Variants in PHLPP1 observed in about 807,000 individuals in gnomAD.
The protein encoded by PHLPP1 is PH domain and leucine rich repeat protein phosphatase 1, also known as PH domain leucine-rich repeat-containing protein phosphatase 1.
In PHLPP1, 42 loss-of-function variants were observed where a neutral mutation model predicts 117.2. The ratio of observed to expected loss-of-function variants is 0.36; its 90% confidence interval spans 0.28 to 0.46. PHLPP1 has a LOEUF of 0.46. Among genes scored for constraint, PHLPP1 ranks in the 20% least tolerant of loss-of-function variants. The pLI is 1.00. For synonymous variants in PHLPP1, 1,042 were observed against 970.7 expected, an observed-to-expected ratio of 1.07 and a Z score of -1.37; for missense variants, 2,084 against 2,241.9, an observed-to-expected ratio of 0.93 and a Z score of 1.42.
intron 10 of PHLPP1, among the ~76,000 whole-genome samples, chr18:62,940,349 C>CTT (rs1568168241): frequency 4.2e-5 from 3 of 72,058 alleles, no homozygotes; most frequent in South Asian, 4.3e-4. Context: ...CTTTTTCTTT[C>CTT]TTTTCTTTTT....
chr18:62,875,866 G>A (rs555405233), intron 4 of PHLPP1, among the ~76,000 whole-genome samples: 2 of 152,070 alleles, frequency 1.3e-5, no homozygotes, highest in East Asian at 3.9e-4. Flanking sequence ...CTGAGTAGCT[G>A]GGATTACAGG....
At chr18:62,864,009 GTTTA>G (rs3085144) in intron 4 of PHLPP1, among the ~76,000 whole-genome samples, 2 of 150,744 alleles carry the variant, frequency 1.3e-5, no homozygotes, top group South Asian at 2.1e-4. Context: ...AAATTTATTT[GTTTA>G]TTTATTTTAA....
Position 62,920,062 on chromosome 18 carries a change from C to T in PHLPP1, c.2908C>T (p.Gln970Ter), listed in dbSNP as rs2045831143. 1 of 1,613,284 alleles carries T rather than the reference C, an allele frequency of 6.2e-7. No individual in the cohort carries two copies. The highest frequency in any genetic ancestry group is 1.3e-5 in the African/African-American group (1 of 74,904). Residue 970 changes from glutamine to a stop codon, truncating the protein, a stop_gained, in exon 10 of 17, where the codon CAA becomes TAA. Transcript: ENST00000262719. LOFTEE classifies it high-confidence loss of function. ...ERTSVEVLDV[Q>*]HNQLLELPPN... Reference sequence around the variant, plus strand: ...AACCTCGGTGGAGGTCTTGGATGTGCAACACAACCAGCTCCTTGAGCTCCC... The same window carrying T: ...AACCTCGGTGGAGGTCTTGGATGTGTAACACAACCAGCTCCTTGAGCTCCC...
chr18:62,856,778 C>T (rs1010259488), intron 3 of PHLPP1, among the ~76,000 whole-genome samples: 5 of 152,154 alleles, frequency 3.3e-5, no homozygotes, highest in African/African-American at 1.2e-4. Context: ...ACTTCCTCTG[C>T]CTGGCAGCAT....
At chr18:62,725,129 C>T (rs1412947645) in intron 1 of PHLPP1, among the ~76,000 whole-genome samples, 9 of 151,930 alleles carry the variant, frequency 5.9e-5, no homozygotes, top group East Asian at 1.9e-4. Flanking sequence ...GAGGCTGAGT[C>T]GGGCAGATCA....
chr18:62,761,155 G>C (rs1178877991), intron 1 of PHLPP1, among the ~76,000 whole-genome samples: 1 of 152,086 alleles, frequency 6.6e-6, no homozygotes, highest in Non-Finnish European at 1.5e-5. Flanking sequence ...ATGAGCCACT[G>C]TGCCTGGACT....
chr18:62,735,040 CT>C (rs34602238), intron 1 of PHLPP1, among the ~76,000 whole-genome samples: 5,631 of 143,060 alleles, frequency 0.039, 131 homozygotes, highest in Middle Eastern at 0.066. Context: ...GGATGTCATT[CT>C]TTTTTTTTTT....
At chr18:62,878,437 C>T (rs534736466) in intron 4 of PHLPP1, among the ~76,000 whole-genome samples, 2 of 152,182 alleles carry the variant, frequency 1.3e-5, no homozygotes, top group South Asian at 2.1e-4. Context: ...AGACAACACA[C>T]GCATGTCAGT....
At chr18:62,884,893 A>AAG (rs1916248856) in intron 4 of PHLPP1, among the ~76,000 whole-genome samples, 1 of 152,228 alleles carries the variant, frequency 6.6e-6, no homozygotes, top group Non-Finnish European at 1.5e-5. Flanking sequence ...TATTTTAGTC[A>AAG]AGTTTTCAAG....
At chr18:62,794,180 A>G (rs1468977628) in intron 1 of PHLPP1, among the ~76,000 whole-genome samples, 3 of 152,154 alleles carry the variant, frequency 2.0e-5, no homozygotes, top group Admixed American at 1.3e-4. Flanking sequence ...GCACACTTAT[A>G]TATCTATCCC....
chr18:62,845,303 T>C (rs1915152633), intron 3 of PHLPP1, among the ~76,000 whole-genome samples: 2 of 152,086 alleles, frequency 1.3e-5, no homozygotes, highest in African/African-American at 2.4e-5. Flanking sequence ...TTCTAGGCCA[T>C]TGACTTGAGG....
Position 62,716,833 on chromosome 18 carries a change from G to A in PHLPP1, c.1150G>A (p.Ala384Thr), listed in dbSNP as rs1478451354. ...SSSEELEADA[A>T]SAPTGVPGQP... ...GTCGGAAGAGCTCGAGGCCGACGCA[G>A]CCTCGGCCCCGACGGGGGTCCCGGG... is the stretch of plus-strand genomic sequence containing the variant. Residue 384 changes from alanine to threonine, a missense_variant, in exon 1 of 17, where the codon GCC becomes ACC. Physicochemically the swap from Ala to Thr is moderately conservative, Grantham distance 58 (BLOSUM62 0). Coordinates refer to ENST00000262719, the MANE Select transcript of PHLPP1 (RefSeq NM_194449.4). The surrounding 1 kb of genome is among the most constrained non-coding windows in gnomAD (Gnocchi z 5.7). 1.3e-6 allele frequency: 2 copies of A among 1,525,250 alleles called. No individual in the cohort carries two copies. The highest frequency in any genetic ancestry group is 2.0e-5 in the Admixed American group (1 of 50,154). The allele number at this position is 1,525,250 out of a possible 1,614,324, so 94.5% of individuals were successfully genotyped here.
At chr18:62,874,039 T>C (rs1430329910) in intron 4 of PHLPP1, among the ~76,000 whole-genome samples, 1 of 150,050 alleles carries the variant, frequency 6.7e-6, no homozygotes, top group Non-Finnish European at 1.5e-5. Context: ...AAAAATTAGC[T>C]GGGCCGTGGT....
At chr18:62,879,620 G>C (rs1916128068) in intron 4 of PHLPP1, among the ~76,000 whole-genome samples, 1 of 152,118 alleles carries the variant, frequency 6.6e-6, no homozygotes, top group African/African-American at 2.4e-5. Context: ...GTGTTAGTCA[G>C]GATGGTCTCG....
rs562968415 is a variant in PHLPP1 at position 62,850,808 on chromosome 18, A to G, written c.1900-9627A>G. 2.0e-5 allele frequency among the ~76,000 whole-genome samples: 3 copies of G among 152,322 alleles called. No homozygotes were observed. In the East Asian group the frequency reaches 5.8e-4, roughly 29 times the overall value. ...CCCTATACTGTTGCATCTGACTCCT[A>G]AAGAGTCCACATTTTCACTTTTGGC... On this transcript the variant is annotated intron_variant, in intron 3 of 16. Coordinates refer to ENST00000262719, the MANE Select transcript of PHLPP1 (RefSeq NM_194449.4).
At chr18:62,885,082 A>G (rs574641307) in intron 4 of PHLPP1, among the ~76,000 whole-genome samples, 2 of 152,328 alleles carry the variant, frequency 1.3e-5, no homozygotes, top group African/African-American at 4.8e-5. Flanking sequence ...TTGTACCTAC[A>G]TTTTTGAGTA....
rs550804696 is a variant in PHLPP1 at position 62,976,118 on chromosome 18, C to G, written c.3984+493C>G. On this transcript the variant is annotated intron_variant, in intron 16 of 16. Transcript: ENST00000262719. ...GTTATTTTGGTTCATACCTCATGTC[C>G]CATTTGAGTACACAGTAAGCAGTTT... is the stretch of plus-strand genomic sequence containing the variant. Among the ~76,000 whole-genome samples, 3 of 152,292 alleles carry G rather than the reference C, an allele frequency of 2.0e-5. No individual in the cohort carries two copies. In the South Asian group the frequency reaches 6.2e-4, roughly 32 times the overall value.
chr18:62,737,326 AAGAG>A (rs1284388986), intron 1 of PHLPP1, among the ~76,000 whole-genome samples: 2 of 152,172 alleles, frequency 1.3e-5, no homozygotes, highest in Non-Finnish European at 2.9e-5. Context: ...ATGAGACTAA[AAGAG>A]AGGTTGAGGC....
intron 1 of PHLPP1, among the ~76,000 whole-genome samples, chr18:62,795,518 A>C (rs1273124259): frequency 6.6e-6 from 1 of 151,266 alleles, no homozygotes; most frequent in Non-Finnish European, 1.5e-5. Context: ...AAAAAACAAC[A>C]ACAAAAATTG....
Sources: gnomAD v4.1 joint callset for allele counts (sites outside exome capture counted in the v4.1 genomes callset) on GRCh38, gnomAD v4.1.1 for gene constraint, Gnocchi (gnomAD v3.1) non-coding constraint, MANE v1.5 for transcripts, NCBI Gene and HGNC (gene_info 2026-07-23, HGNC 2026-07-21) for gene names.